Variants in ASPSCR1 observed in about 807,000 individuals in gnomAD.
ASPSCR1 encodes the protein tether containing UBX domain for GLUT4.
In ASPSCR1, 55 loss-of-function variants were observed where a neutral mutation model predicts 68.9. The observed-to-expected ratio is 0.80, with a 90% CI of 0.64 to 1.00. The LOEUF is 1.00. Ranked by LOEUF, ASPSCR1 falls within the 50% of genes least tolerant of loss-of-function variation. ASPSCR1 has a pLI of 0.00. For synonymous variants in ASPSCR1, 352 were observed against 332.6 expected, an observed-to-expected ratio of 1.06 and a Z score of -0.63; for missense variants, 765 against 762.2, an observed-to-expected ratio of 1.00 and a Z score of -0.04.
intron 4 of ASPSCR1, among the ~76,000 whole-genome samples, chr17:81,992,547 G>T (rs915767579): frequency 6.6e-6 from 1 of 152,180 alleles, no homozygotes; most frequent in African/African-American, 2.4e-5. Flanking sequence ...CTCCCCAGCC[G>T]TAGAGAAGTG....
intron 3 of ASPSCR1, among the ~76,000 whole-genome samples, chr17:81,984,120 C>T (rs952697891): frequency 3.3e-5 from 5 of 151,992 alleles, no homozygotes; most frequent in African/African-American, 1.2e-4. Context: ...CAAAGTCCTC[C>T]CAAAGGATTG....
At position 81,996,739 on chromosome 17, in the gene ASPSCR1, C is replaced by T. The variant is rs1033286860; in HGVS notation, c.826C>T (p.Pro276Ser). 3.7e-6 allele frequency: 6 copies of T among 1,613,336 alleles called. No homozygotes were observed. The highest frequency in any genetic ancestry group is 5.1e-6 in the Non-Finnish European group (6 of 1,180,004). Residue 276 changes from proline to serine, a missense_variant, in exon 7 of 16, where the codon CCT becomes TCT. By Grantham distance (74) the Pro-to-Ser change is moderately conservative. Transcript: ENST00000306739. The stretch of plus-strand genomic sequence containing the variant: ...TAAGTTGCCGAAGTCCCTCTCCAGC[C>T]CTGGAGGCCCCTCCAAGCCAAAGAA... ...SAKLPKSLSS[P>S]GGPSKPKKSK...
chr17:82,010,246 T>A (rs929971599), intron 9 of ASPSCR1, among the ~76,000 whole-genome samples: 4 of 149,700 alleles, frequency 2.7e-5, no homozygotes, highest in African/African-American at 9.8e-5. Flanking sequence ...ACAGCACATT[T>A]GAGCCGGGCG....
At chr17:81,993,878 G>A (rs1055298769) in intron 4 of ASPSCR1, among the ~76,000 whole-genome samples, 4 of 152,268 alleles carry the variant, frequency 2.6e-5, no homozygotes, top group Non-Finnish European at 2.9e-5. Context: ...TGCATGACCT[G>A]AGGCCGGCCC....
At chr17:82,000,214 G>A (rs1003006025) in intron 7 of ASPSCR1, among the ~76,000 whole-genome samples, 20 of 152,232 alleles carry the variant, frequency 1.3e-4, no homozygotes, top group Non-Finnish European at 5.9e-5. Flanking sequence ...CCTTCCCTCC[G>A]TGACCAGGGC....
Position 81,985,516 on chromosome 17 carries a change from G to A in ASPSCR1, c.283G>A (p.Ala95Thr), listed in dbSNP as rs756018211. The change falls in exon 4 of 16, where the codon GCT becomes ACT. Residue 95 changes from alanine (A) to threonine (T), a missense_variant. Coordinates refer to ENST00000306739, the MANE Select transcript of ASPSCR1 (RefSeq NM_024083.4). ...GTCTTATACCCTCCAGGTTCGCATC[G>A]CTTTGCAGCTGGACGATGGCTCGAG... ...REGPENMVRI[A>T]LQLDDGSRLQ... 11 of 1,613,950 alleles carry A rather than the reference G, an allele frequency of 6.8e-6. No homozygotes were observed. In the East Asian group the frequency reaches 8.9e-5, roughly 13 times the overall value.
chr17:81,992,608 G>A (rs1029340260), intron 4 of ASPSCR1, among the ~76,000 whole-genome samples: 6 of 152,144 alleles, frequency 3.9e-5, no homozygotes, highest in Admixed American at 3.9e-4. Context: ...GCTGGGGAGC[G>A]GGGACCCTGG....
chr17:81,995,209 C>T (rs933335521), intron 5 of ASPSCR1: 44 of 453,544 alleles, frequency 9.7e-5, no homozygotes, highest in Non-Finnish European at 1.5e-4. Context: ...CCCGCCGTGG[C>T]GGGACCCTCC....
In ASPSCR1 at chr17:81,995,724, T is replaced by G. The variant is rs959352546; in HGVS notation, c.433-268T>G. ...CAGCCCAGCTCTGCCAGCCCAGGCC[T>G]CAGTGAGCTTGGGTCCCAGCTGCGG... On this transcript the variant is annotated intron_variant, in intron 5 of 15. Transcript: ENST00000306739. 3.3e-5 allele frequency among the ~76,000 whole-genome samples: 5 copies of G among 152,342 alleles called. No individual in the cohort carries two copies. The East Asian group carries it at 5.8e-4, about 18-fold the overall frequency.
rs1373084834 is a variant in ASPSCR1, at chr17:82,016,782, G to A, written c.1406-18G>A. 2 of 1,606,246 alleles carry A rather than the reference G, an allele frequency of 1.2e-6. No homozygotes were observed. The highest frequency in any genetic ancestry group is 2.2e-5 in the South Asian group (2 of 90,770). ...ACCCCTCCTCAGAGGCTCAGGGTGA[G>A]CTTGGGCCTCCCTGCAGGTGTCTAC... On this transcript the variant is annotated intron_variant, in intron 13 of 15. Coordinates refer to ENST00000306739, the MANE Select transcript of ASPSCR1 (RefSeq NM_024083.4).
At chr17:81,995,465 A>G (rs1329804959) in intron 5 of ASPSCR1, 4 of 227,034 alleles carry the variant, frequency 1.8e-5, no homozygotes, top group Non-Finnish European at 8.7e-6. Flanking sequence ...TGTGGCCCTC[A>G]GGGACCCTTA....
intron 11 of ASPSCR1, 78 bp from the exon 12 acceptor site, chr17:82,012,153 C>A: frequency 1.3e-6 from 2 of 1,504,448 alleles, no homozygotes; most frequent in Non-Finnish European, 1.8e-6. Context: ...CCCCCATCTG[C>A]AGGCCTGTCT....
At chr17:81,997,487 G>GGT (rs1567973899) in intron 7 of ASPSCR1, among the ~76,000 whole-genome samples, 25 of 135,904 alleles carry the variant, frequency 1.8e-4, no homozygotes, top group East Asian at 6.4e-4. Context: ...TTTTTTCTGG[G>GGT]TTTTTTTTTT....
intron 7 of ASPSCR1, among the ~76,000 whole-genome samples, chr17:82,001,397 C>G (rs1206246372): frequency 6.6e-6 from 1 of 152,198 alleles, no homozygotes; most frequent in African/African-American, 2.4e-5. Context: ...CCTGCTATGC[C>G]TCATGGGTGT....
intron 4 of ASPSCR1, among the ~76,000 whole-genome samples, chr17:81,992,532 C>T (rs2042203457): frequency 6.6e-6 from 1 of 152,206 alleles, no homozygotes; most frequent in Non-Finnish European, 1.5e-5. Flanking sequence ...CCCCTCAGCC[C>T]AGGCCTCCCC....
rs914572366 is a variant in ASPSCR1 at position 81,977,899 on chromosome 17, C to T, written c.102+151C>T. Reference sequence around the variant, plus strand: ...AGCGGCGGCCCCGCCCCCTGCTCGCCGTCACCTGCGCTTCCGCTGGGGTCC... The same window carrying T: ...AGCGGCGGCCCCGCCCCCTGCTCGCTGTCACCTGCGCTTCCGCTGGGGTCC... On this transcript the variant is annotated intron_variant, in intron 1 of 15. Coordinates refer to ENST00000306739, the MANE Select transcript of ASPSCR1 (RefSeq NM_024083.4). The surrounding 1 kb of genome is among the most constrained non-coding windows in gnomAD (Gnocchi z 5.0). 11 of 483,696 alleles carry T rather than the reference C, an allele frequency of 2.3e-5. No individual in the cohort carries two copies. The highest frequency in any genetic ancestry group is 8.2e-5 in the African/African-American group (4 of 48,860). 30.0% of individuals were successfully genotyped at this position (483,696 alleles called of 1,614,324 possible). A position where few individuals can be genotyped will look rare whatever the true frequency, so the allele number is the denominator to read the frequency against.
Position 81,996,814 on chromosome 17 carries a change from C to T in ASPSCR1, c.901C>T (p.Arg301Trp), listed in dbSNP as rs776182994. The change falls in exon 7 of 16, where the codon CGG becomes TGG. Residue 301 changes from arginine to tryptophan, a missense_variant. Physicochemically the swap from Arg to Trp is moderately radical, Grantham distance 101. Coordinates refer to ENST00000306739, the MANE Select transcript of ASPSCR1 (RefSeq NM_024083.4). ...GCAGGAGCAGGAGCAGGAGCGGGAG[C>T]GGGATCCCCAGCAGGAGCAGGAGCG... ...PQQEQEQERE[R>W]DPQQEQERER... is the part of the protein sequence containing the mutation. The T allele has an allele frequency of 1.3e-5, 21 of 1,605,918 alleles. No individual in the cohort carries two copies. The highest frequency in any genetic ancestry group is 1.0e-4 in the Admixed American group (6 of 57,792).
rs2042359339 is a variant in ASPSCR1 at position 81,996,797 on chromosome 17, A to G, written c.884A>G (p.Gln295Arg). Reference sequence around the variant, plus strand: ...TCGGGCCAGGATCCCCAGCAGGAGCAGGAGCAGGAGCGGGAGCGGGATCCC... The same window carrying G: ...TCGGGCCAGGATCCCCAGCAGGAGCGGGAGCAGGAGCGGGAGCGGGATCCC... ...SKSGQDPQQE[Q>R]EQERERDPQQ... The change falls in exon 7 of 16, where the codon CAG becomes CGG. Residue 295 changes from glutamine (Q) to arginine (R), a missense_variant. Gln to Arg is a conservative substitution (Grantham distance 43). Coordinates refer to ENST00000306739, the MANE Select transcript of ASPSCR1 (RefSeq NM_024083.4). 3.1e-6 allele frequency: 5 copies of G among 1,609,904 alleles called. No individual in the cohort carries two copies. Among genetic ancestry groups the G allele is most frequent in the African/African-American group, 1.3e-5 (1 of 74,734 alleles).
At chr17:82,000,874 C>T (rs1321414456) in intron 7 of ASPSCR1, among the ~76,000 whole-genome samples, 1 of 152,130 alleles carries the variant, frequency 6.6e-6, no homozygotes, top group Non-Finnish European at 1.5e-5. Context: ...CAGCCCTGTG[C>T]TGGGCTGGGA....
Sources: gnomAD v4.1 joint callset for allele counts (sites outside exome capture counted in the v4.1 genomes callset) on GRCh38, gnomAD v4.1.1 for gene constraint, Gnocchi (gnomAD v3.1) non-coding constraint, MANE v1.5 for transcripts, NCBI Gene and HGNC (gene_info 2026-07-23, HGNC 2026-07-21) for gene names.